Variants in CDCP1 observed in about 807,000 individuals in gnomAD.
The protein encoded by CDCP1 is CUB domain-containing protein 1.
A neutral mutation model predicts 60.2 loss-of-function variants in CDCP1; 29 were observed. The observed-to-expected ratio is 0.48, with a 90% CI of 0.36 to 0.66. The LOEUF is 0.66. Among genes scored for constraint, CDCP1 ranks in the 30% least tolerant of loss-of-function variants. The probability of loss-of-function intolerance (pLI) is 0.00; values close to 1 mark genes in which losing one functional copy is unlikely to be tolerated. For missense variants in CDCP1, 876 were observed against 1,074.3 expected (o/e 0.82, Z 2.58); for synonymous variants, 387 against 431.1 (o/e 0.90, Z 1.27).
chr3:45,110,943 T>G, intron 3 of CDCP1, 102 bp from the exon 4 acceptor site: 1 of 1,304,796 alleles, frequency 7.7e-7, no homozygotes, highest in East Asian at 2.3e-5. Context: ...ATGACTGCAG[T>G]TCTCAGATCC....
At chr3:45,102,942 G>T (rs532057444) in intron 4 of CDCP1, among the ~76,000 whole-genome samples, 1 of 150,480 alleles carries the variant, frequency 6.6e-6, no homozygotes, top group Non-Finnish European at 1.5e-5. Flanking sequence ...GATTACAGGC[G>T]TGAGCCACCA....
intron 6 of CDCP1, among the ~76,000 whole-genome samples, chr3:45,093,003 A>G (rs1264204090): frequency 6.6e-6 from 1 of 152,238 alleles, no homozygotes; most frequent in Admixed American, 6.5e-5. Flanking sequence ...TGCTTCCAAA[A>G]AAGACTCAAA....
intron 1 of CDCP1, among the ~76,000 whole-genome samples, chr3:45,127,880 G>A (rs1331128604): frequency 6.6e-6 from 1 of 152,182 alleles, no homozygotes; most frequent in Non-Finnish European, 1.5e-5. Context: ...CTGGGGCAAG[G>A]TACAGCCGTC....
At chr3:45,135,348 T>C (rs770390952) in intron 1 of CDCP1, among the ~76,000 whole-genome samples, 1 of 150,812 alleles carries the variant, frequency 6.6e-6, no homozygotes, top group African/African-American at 2.4e-5. Context: ...GGAGAGAGAT[T>C]GTGGGGCAGA....
Position 45,091,560 on chromosome 3 carries a change from C to A in CDCP1, c.1628-22G>T. On this transcript the variant is annotated intron_variant, in intron 6 of 8. Coordinates refer to ENST00000296129, the MANE Select transcript of CDCP1 (RefSeq NM_022842.5). This position sits in a 1 kb window ranked among gnomAD's most constrained non-coding sequence, Gnocchi z 4.8. ...TCCTCTGCAGGAAAGGGAGGGAGAT[C>A]CAGACAGATGTTTCATTCAGTCAAC... 1 of 1,574,882 alleles carries A rather than the reference C, an allele frequency of 6.3e-7. No homozygotes were observed. Among genetic ancestry groups the A allele is most frequent in the South Asian group, 1.2e-5 (1 of 86,742 alleles).
At chr3:45,092,063 G>A (rs573408491) in intron 6 of CDCP1, among the ~76,000 whole-genome samples, 13 of 152,252 alleles carry the variant, frequency 8.5e-5, no homozygotes, top group African/African-American at 3.1e-4. Context: ...CCAAAGAGCC[G>A]GGATTATAGG....
chr3:45,110,880 C>G (rs753198440), intron 3 of CDCP1, 39 bp from the exon 4 acceptor site: 1 of 1,578,440 alleles, frequency 6.3e-7, no homozygotes, highest in South Asian at 1.2e-5. Context: ...GAATAGGGAG[C>G]CATTAGACCC....
At chr3:45,101,978 TCAA>T (rs1437292891) in intron 4 of CDCP1, among the ~76,000 whole-genome samples, 21 of 152,248 alleles carry the variant, frequency 1.4e-4, no homozygotes, top group African/African-American at 4.8e-4. Flanking sequence ...GTTTCTACTT[TCAA>T]CACTATGCTC....
intron 1 of CDCP1, among the ~76,000 whole-genome samples, chr3:45,138,782 G>T (rs143176191): frequency 0.012 from 1,769 of 152,300 alleles, 34 homozygotes; most frequent in African/African-American, 0.041. Context: ...GGAGGTGGAG[G>T]TTGCAGTGAG....
chr3:45,120,269 CCT>C (rs1301645714), intron 1 of CDCP1, among the ~76,000 whole-genome samples: 1 of 100,530 alleles, frequency 9.9e-6, no homozygotes, highest in African/African-American at 4.2e-5. Context: ...TTTTCTTGTG[CCT>C]CTCTCTCCAT....
At chr3:45,116,344 G>A (rs192714770) in intron 2 of CDCP1, among the ~76,000 whole-genome samples, 1 of 151,528 alleles carries the variant, frequency 6.6e-6, no homozygotes, top group African/African-American at 2.4e-5. Context: ...TGATTAGCCA[G>A]GTGGTTTATG....
At chr3:45,096,367 G>T (rs978837217) in intron 4 of CDCP1, among the ~76,000 whole-genome samples, 7 of 152,166 alleles carry the variant, frequency 4.6e-5, no homozygotes, top group African/African-American at 1.4e-4. Context: ...GCTCACGCTT[G>T]TAATCCTAGC....
At position 45,146,280 on chromosome 3, in the gene CDCP1, C is replaced by G; in HGVS notation, c.8G>C (p.Gly3Ala). MA[G>A]LNCGVSIALL... ...TGCGATAGAGACCCCGCAGTTCAGG[C>G]CGGCCATGACTCCGGGACGCCTCGG... The change falls in exon 1 of 9, where the codon GGC (glycine) becomes GCC (alanine). Residue 3 changes from glycine to alanine, a missense_variant. Physicochemically the swap from Gly to Ala is moderately conservative, Grantham distance 60 (BLOSUM62 0). Transcript: ENST00000296129. The G allele has an allele frequency of 6.3e-7, 1 of 1,581,062 alleles. No individual in the cohort carries two copies. Among genetic ancestry groups the G allele is most frequent in the Non-Finnish European group, 8.6e-7 (1 of 1,167,120 alleles).
At chr3:45,125,699 G>A (rs1438288474) in intron 1 of CDCP1, among the ~76,000 whole-genome samples, 1 of 152,210 alleles carries the variant, frequency 6.6e-6, no homozygotes, top group African/African-American at 2.4e-5. Context: ...CTGGCTGGCT[G>A]GGTGGGGACT....
At chr3:45,126,652 A>G (rs769621743) in intron 1 of CDCP1, among the ~76,000 whole-genome samples, 1 of 152,234 alleles carries the variant, frequency 6.6e-6, no homozygotes, top group Non-Finnish European at 1.5e-5. Flanking sequence ...GAACTAGAAC[A>G]TGAATTGCCA....
rs1302705396 is a variant in CDCP1, at chr3:45,108,693, G to GTGCATGTATACATATATATA, written c.1024+1760_1024+1779dup. 1.9e-3 allele frequency among the ~76,000 whole-genome samples: 274 copies of GTGCATGTATACATATATATA among 141,416 alleles called. 14 individuals are homozygous for GTGCATGTATACATATATATA. Among genetic ancestry groups the GTGCATGTATACATATATATA allele is most frequent in the African/African-American group, 6.3e-3 (224 of 35,598 alleles). The allele number at this position is 141,416 out of a possible 152,430, so 92.8% of individuals were successfully genotyped here. On this transcript the variant is annotated intron_variant, in intron 4 of 8. Transcript: ENST00000296129. ...ACACACACACACACTATATATATAT[G>GTGCATGTATACATATATATA]TGCATGTATACATATATATATGCAT... is the stretch of plus-strand genomic sequence containing the variant.
rs1159836867 is a variant in CDCP1, at chr3:45,110,640, G to A, written c.857C>T (p.Pro286Leu). 4 of 1,614,050 alleles carry A rather than the reference G, an allele frequency of 2.5e-6. No individual in the cohort carries two copies. Among genetic ancestry groups the A allele is most frequent in the Non-Finnish European group, 3.4e-6 (4 of 1,180,038 alleles). The part of the protein sequence containing the change: ...RKEERVEYYI[P>L]GSTTNPEVFK... ...CACCTCGGGGTTGGTGGTGGAGCCCGGGATGTAGTATTCAACCCGCTCCTC... is the reference window on the plus strand; with the variant it reads ...CACCTCGGGGTTGGTGGTGGAGCCCAGGATGTAGTATTCAACCCGCTCCTC... The change falls in exon 4 of 9, where the codon CCG (proline) becomes CTG (leucine). Residue 286 changes from proline to leucine, a missense_variant. Around this residue, in one of 2 missense-constraint regions of CDCP1, gnomAD observed 726 missense variants for 935.7 expected, o/e 0.78. Coordinates refer to ENST00000296129, the MANE Select transcript of CDCP1 (RefSeq NM_022842.5).
At chr3:45,099,790 C>G (rs1698460086) in intron 4 of CDCP1, among the ~76,000 whole-genome samples, 1 of 151,848 alleles carries the variant, frequency 6.6e-6, no homozygotes, top group Non-Finnish European at 1.5e-5. Context: ...TTCCTTTGAA[C>G]TCTTGGAGAT....
Position 45,110,725 on chromosome 3 carries a change from C to T in CDCP1, c.772G>A (p.Ala258Thr). 1 of 1,614,174 alleles carries T rather than the reference C, an allele frequency of 6.2e-7. No individual in the cohort carries two copies. ...AAGGAGACGCTGGCCCGCAGGTGTG[C>T]AGGAACGACAAACTGCCACGTCATG... ...ELMTWQFVVPAHLRASVSFLN... is the reference protein window; with the variant it reads ...ELMTWQFVVPTHLRASVSFLN... The change falls in exon 4 of 9, where the codon GCA becomes ACA. Residue 258 changes from alanine to threonine, a missense_variant. Ala to Thr is a moderately conservative substitution (Grantham distance 58). This residue lies in a region of CDCP1 where 726 missense variants were observed against 935.7 expected (regional missense o/e 0.78). Transcript: ENST00000296129.
Sources: gnomAD v4.1 joint callset for allele counts (sites outside exome capture counted in the v4.1 genomes callset) on GRCh38, gnomAD v4.1.1 for gene constraint, gnomAD v4.1.1 regional missense constraint, Gnocchi (gnomAD v3.1) non-coding constraint, MANE v1.5 for transcripts, NCBI Gene and HGNC (gene_info 2026-07-23, HGNC 2026-07-21) for gene names.